LAMA3: variants seen among roughly 807,000 people sequenced by gnomAD.
LAMA3 encodes laminin subunit alpha 3, also known as laminin subunit alpha-3.
Under a neutral mutation model 402.0 loss-of-function variants are expected in LAMA3, and 281 were observed. That is an observed-to-expected ratio of 0.70 (90% CI 0.63 to 0.77). The LOEUF (loss-of-function observed/expected upper bound fraction) is 0.77, where lower values mean the gene tolerates loss of function less well. Among genes scored for constraint, LAMA3 ranks in the 30% least tolerant of loss-of-function variants. The pLI, the probability that LAMA3 is intolerant of heterozygous loss-of-function variation, is 0.00. For missense variants in LAMA3, 3,840 were observed against 4,215.5 expected (o/e 0.91, Z 2.47); for synonymous variants, 1,431 against 1,558.4 (o/e 0.92, Z 1.93).
chr18:23,916,578 T>A lies in LAMA3; in HGVS notation c.7806T>A (p.Tyr2602Ter). 6.2e-7 allele frequency: 1 copy of A among 1,614,190 alleles called. No homozygotes were observed. The highest frequency in any genetic ancestry group is 8.5e-7 in the Non-Finnish European group (1 of 1,180,010). ...RRRKEESDKN[Y>*]FEGTGYARVP... ...GGAAGGAAGAGTCAGACAAAAATTA[T>A]TTTGAAGGTACGGGCTATGCTCGAG... The change falls in exon 60 of 75, where the codon TAT (tyrosine) becomes TAA (stop). Residue 2602 changes from tyrosine (Y) to a stop codon, truncating the protein, a stop_gained. Coordinates refer to ENST00000313654, the MANE Select transcript of LAMA3 (RefSeq NM_198129.4). LOFTEE classifies it high-confidence loss of function.
intron 12 of LAMA3, among the ~76,000 whole-genome samples, chr18:23,793,912 TC>T (rs1390106540): frequency 6.6e-6 from 1 of 152,224 alleles, no homozygotes; most frequent in East Asian, 1.9e-4. Context: ...CCCGCAAACC[TC>T]CTTTGGATTC....
At position 23,689,855 on chromosome 18, in the gene LAMA3, G is replaced by T; in HGVS notation, c.172G>T (p.Ala58Ser). 6.4e-7 allele frequency: 1 copy of T among 1,552,158 alleles called. No individual in the cohort carries two copies. Among genetic ancestry groups the T allele is most frequent in the Admixed American group, 1.9e-5 (1 of 52,544 alleles). ...HPTYFNLAEA[A>S]RIWATATCGE... ...GACTTACTTCAACCTGGCCGAGGCG[G>T]CGAGGATTTGGGCCACCGCCACCTG... The change falls in exon 1 of 75, where the codon GCG becomes TCG. Residue 58 changes from alanine (A) to serine (S), a missense_variant. By Grantham distance (99) the Ala-to-Ser change is moderately conservative. This residue lies in a region of LAMA3 where 2,109 missense variants were observed against 2,376.0 expected (regional missense o/e 0.89). Coordinates refer to ENST00000313654, the MANE Select transcript of LAMA3 (RefSeq NM_198129.4).
At chr18:23,731,037 C>T (rs762576891) in intron 2 of LAMA3, among the ~76,000 whole-genome samples, 3 of 152,174 alleles carry the variant, frequency 2.0e-5, no homozygotes, top group East Asian at 1.9e-4. Context: ...TGTCTGAAGA[C>T]GGTGCCAGGT....
At chr18:23,948,901 T>C (rs1206078935) in intron 70 of LAMA3, among the ~76,000 whole-genome samples, 1 of 152,276 alleles carries the variant, frequency 6.6e-6, no homozygotes, top group South Asian at 2.1e-4. Flanking sequence ...CATATCTTTA[T>C]TACCATGTCT....
rs770978815 is a variant in LAMA3 at position 23,826,787 on chromosome 18, C to T, written c.2657C>T (p.Pro886Leu). 1.9e-6 allele frequency: 3 copies of T among 1,560,454 alleles called. No individual in the cohort carries two copies. Among genetic ancestry groups the T allele is most frequent in the Non-Finnish European group, 2.6e-6 (3 of 1,150,606 alleles). Residue 886 changes from proline to leucine, a missense_variant, in exon 22 of 75, where the codon CCT (proline) becomes CTT (leucine). Pro to Leu is a moderately conservative substitution (Grantham distance 98). Around this residue, in one of 3 missense-constraint regions of LAMA3, gnomAD observed 2,109 missense variants for 2,376.0 expected, o/e 0.89. Transcript: ENST00000313654. The part of the protein sequence containing the change: ...PVTEPCAYAG[P>L]PQENCLLYQH... ...ACAGAACCATGTGCCTACGCAGGAC[C>T]TCCCCAAGAAAAGTCAGTGTGGGGC...
At chr18:23,723,269 C>T (rs1241861460) in intron 2 of LAMA3, among the ~76,000 whole-genome samples, 1 of 152,176 alleles carries the variant, frequency 6.6e-6, no homozygotes, top group Non-Finnish European at 1.5e-5. Flanking sequence ...GATAAATGCT[C>T]TAATGTCTGA....
At chr18:23,698,139 G>C (rs945607486) in intron 1 of LAMA3, among the ~76,000 whole-genome samples, 6 of 150,956 alleles carry the variant, frequency 4.0e-5, no homozygotes, top group Admixed American at 4.0e-4. Flanking sequence ...TTTGTGGGAG[G>C]GGGTGGGTGG....
chr18:23,867,556 AAAAAAAAAAAAAG>A (rs1282769291), intron 36 of LAMA3, among the ~76,000 whole-genome samples: 27 of 150,978 alleles, frequency 1.8e-4, no homozygotes, highest in African/African-American at 6.6e-4. Context: ...CCCTGCCAAA[AAAAAAAAAAAAAG>A]AAAAAAAAAA....
At chr18:23,916,319 C>G (rs184854812) in intron 59 of LAMA3, among the ~76,000 whole-genome samples, 54 of 152,270 alleles carry the variant, frequency 3.5e-4, no homozygotes, top group Admixed American at 3.5e-3. Context: ...GGGTATCTTA[C>G]TCATCTTTGT....
chr18:23,837,552 A>G (rs1204747457), intron 25 of LAMA3, among the ~76,000 whole-genome samples: 2 of 76,574 alleles, frequency 2.6e-5, no homozygotes, highest in Non-Finnish European at 5.6e-5. Context: ...TTCAAAAAGA[A>G]TATCATTCAG....
intron 12 of LAMA3, among the ~76,000 whole-genome samples, chr18:23,798,896 T>G (rs1274698036): frequency 6.6e-6 from 1 of 152,188 alleles, no homozygotes; most frequent in African/African-American, 2.4e-5. Flanking sequence ...ATCTATATAG[T>G]GTTGCTTCGC....
intron 12 of LAMA3, among the ~76,000 whole-genome samples, chr18:23,791,893 A>G (rs1364854989): frequency 6.6e-6 from 1 of 152,218 alleles, no homozygotes; most frequent in African/African-American, 2.4e-5. Flanking sequence ...AAGTAAATAC[A>G]AGGAAAATAT....
At chr18:23,769,615 C>A (rs983068629) in intron 8 of LAMA3, among the ~76,000 whole-genome samples, 1 of 151,970 alleles carries the variant, frequency 6.6e-6, no homozygotes, top group Non-Finnish European at 1.5e-5. Flanking sequence ...TCAAATAATC[C>A]AAAAAATAGA....
chr18:23,731,628 T>A (rs1319921370), intron 2 of LAMA3, among the ~76,000 whole-genome samples: 1 of 152,196 alleles, frequency 6.6e-6, no homozygotes, highest in Non-Finnish European at 1.5e-5. Context: ...AGGGAGATGG[T>A]CTGGCAGCTG....
chr18:23,890,335 C>A (rs567777917), intron 42 of LAMA3, among the ~76,000 whole-genome samples: 2 of 152,214 alleles, frequency 1.3e-5, no homozygotes, highest in South Asian at 2.1e-4. Flanking sequence ...TGGTGAATAA[C>A]CTGTTTCAAT....
intron 2 of LAMA3, among the ~76,000 whole-genome samples, chr18:23,723,080 T>C (rs146957920): frequency 5.9e-5 from 9 of 152,304 alleles, no homozygotes; most frequent in African/African-American, 2.2e-4. Flanking sequence ...CCTCTCACTC[T>C]CCCTGTTAAT....
At chr18:23,855,005 A>T (rs1049744733) in intron 32 of LAMA3, among the ~76,000 whole-genome samples, 2 of 47,942 alleles carry the variant, frequency 4.2e-5, no homozygotes, top group African/African-American at 8.2e-5. Flanking sequence ...AATAAAAAAT[A>T]AAAAAATTTA....
chr18:23,925,865 C>T (rs781000607), intron 62 of LAMA3, among the ~76,000 whole-genome samples: 2 of 152,244 alleles, frequency 1.3e-5, no homozygotes, highest in Non-Finnish European at 2.9e-5. Context: ...CTTCCAAGTG[C>T]TGCAGGAATA....
intron 74 of LAMA3, 56 bp downstream of exon 74, chr18:23,953,165 A>G: frequency 6.2e-7 from 1 of 1,607,070 alleles, no homozygotes. Context: ...CTGAACATTC[A>G]CTTCTTAATT....
Sources: gnomAD v4.1 joint callset for allele counts (sites outside exome capture counted in the v4.1 genomes callset) on GRCh38, gnomAD v4.1.1 for gene constraint, gnomAD v4.1.1 regional missense constraint, MANE v1.5 for transcripts, NCBI Gene and HGNC (gene_info 2026-07-23, HGNC 2026-07-21) for gene names.